Variants in ADAM2 observed in about 807,000 individuals in gnomAD.
The protein encoded by ADAM2 is disintegrin and metalloproteinase domain-containing protein 2.
A neutral mutation model predicts 99.3 loss-of-function variants in ADAM2; 101 were observed. The ratio of observed to expected loss-of-function variants is 1.02; its 90% CI spans 0.87 to 1.20. The LOEUF (loss-of-function observed/expected upper bound fraction) is 1.20. ADAM2 is among the 50% of genes most tolerant of loss of function. The pLI is 0.00. For missense variants in ADAM2, 948 were observed against 878.7 expected (o/e 1.08, Z -1.00); for synonymous variants, 323 against 287.6 (o/e 1.12, Z -1.25).
chr8:39,814,871 G>T (rs941930434), intron 6 of ADAM2, among the ~76,000 whole-genome samples: 13 of 150,668 alleles, frequency 8.6e-5, no homozygotes, highest in Non-Finnish European at 7.4e-5. Flanking sequence ...TATATGTGAT[G>T]ATAACAAGCT....
rs1443893540 is a variant in ADAM2 at position 39,749,365 on chromosome 8, C to G, written c.1961G>C (p.Gly654Ala). 1.9e-6 allele frequency: 3 copies of G among 1,613,104 alleles called. No homozygotes were observed. In the South Asian group the frequency reaches 3.3e-5, roughly 18 times the overall value. The change falls in exon 18 of 21, where the codon GGG becomes GCG. Residue 654 changes from glycine to alanine, a missense_variant. Gly to Ala is a moderately conservative substitution (Grantham distance 60, BLOSUM62 0). Transcript: ENST00000265708. ...CSVQSDLWPG[G>A]SIDSGNFPPV... ...TGGAAAATTGCCACTGTCAATACTC[C>G]CACCAGGCCATAGATCTGATTGAAC...
intron 16 of ADAM2, among the ~76,000 whole-genome samples, chr8:39,752,815 C>T (rs1280661457): frequency 6.6e-6 from 1 of 152,184 alleles, no homozygotes; most frequent in Non-Finnish European, 1.5e-5. Context: ...TGCACACACT[C>T]TCTTGCCTGC....
At chr8:39,810,174 A>T (rs904195755) in intron 6 of ADAM2, among the ~76,000 whole-genome samples, 3 of 152,232 alleles carry the variant, frequency 2.0e-5, no homozygotes, top group African/African-American at 7.2e-5. Context: ...AACAAAGATC[A>T]AAAGAGACAA....
At chr8:39,812,117 A>T (rs1394807211) in intron 6 of ADAM2, among the ~76,000 whole-genome samples, 1 of 152,192 alleles carries the variant, frequency 6.6e-6, no homozygotes, top group Non-Finnish European at 1.5e-5. Context: ...AATCACAAGC[A>T]TTCCTATACA....
chr8:39,782,461 T>A (rs1803271061), intron 10 of ADAM2, among the ~76,000 whole-genome samples: 1 of 152,170 alleles, frequency 6.6e-6, no homozygotes. Flanking sequence ...TAAAGTAACT[T>A]ATTACAAGCA....
At chr8:39,836,525 T>C (rs1190167620) in intron 2 of ADAM2, among the ~76,000 whole-genome samples, 1 of 150,642 alleles carries the variant, frequency 6.6e-6, no homozygotes, top group African/African-American at 2.4e-5. Context: ...TACCAGAACA[T>C]CTGCTACCAA....
At chr8:39,837,319 C>T (rs1805871139) in intron 1 of ADAM2, 107 bp from the exon 2 acceptor site, 1 of 613,476 alleles carries the variant, frequency 1.6e-6, no homozygotes, top group South Asian at 2.8e-5. Context: ...CGCTGCTTCT[C>T]ATTTTTATTA....
intron 7 of ADAM2, among the ~76,000 whole-genome samples, chr8:39,809,146 C>T (rs1204536579): frequency 6.6e-6 from 1 of 152,032 alleles, no homozygotes; most frequent in Non-Finnish European, 1.5e-5. Context: ...TTCTAGAATA[C>T]ATACAAGTTT....
rs1233741516 is a variant in ADAM2, at chr8:39,837,361, G to GT, written c.56-150dup. The GT allele has an allele frequency of 2.8e-3, 1,446 of 508,028 alleles. 1 individual carries two copies. Among genetic ancestry groups the GT allele is most frequent in the Middle Eastern group, 4.5e-3 (9 of 2,002 alleles). The allele number at this position is 508,028 out of a possible 1,614,324, so 31.5% of individuals were successfully genotyped here. A position where few individuals can be genotyped will look rare whatever the true frequency, so the allele number is the denominator to read the frequency against. On this transcript the variant is annotated intron_variant, in intron 1 of 20. Coordinates refer to ENST00000265708, the MANE Select transcript of ADAM2 (RefSeq NM_001464.5). ...CATTTCTTTCTAAAAATACAAGGAG[G>GT]TTTTTTTTTCTGTTTTTCTGTTTTT...
At chr8:39,816,739 A>T (rs577313973) in intron 6 of ADAM2, among the ~76,000 whole-genome samples, 1 of 152,346 alleles carries the variant, frequency 6.6e-6, no homozygotes, top group South Asian at 2.1e-4. Flanking sequence ...TATATCTATG[A>T]CAATAGATTT....
intron 6 of ADAM2, among the ~76,000 whole-genome samples, chr8:39,813,011 A>T (rs1325645592): frequency 6.6e-6 from 1 of 152,248 alleles, no homozygotes; most frequent in Non-Finnish European, 1.5e-5. Flanking sequence ...AAGTTTTACA[A>T]TCTAACCATC....
intron 6 of ADAM2, among the ~76,000 whole-genome samples, chr8:39,812,002 A>G (rs1256928676): frequency 6.6e-6 from 1 of 152,218 alleles, no homozygotes; most frequent in East Asian, 1.9e-4. Flanking sequence ...CTGTTTGCAG[A>G]TGACATGATT....
chr8:39,809,381 G>C (rs778412930), intron 7 of ADAM2, 29 bp downstream of exon 7: 2 of 842,922 alleles, frequency 2.4e-6, no homozygotes, highest in African/African-American at 1.7e-5. Flanking sequence ...CAAATATTAA[G>C]GGACATAAAT....
chr8:39,761,143 T>C lies in ADAM2; in HGVS notation c.1613+33A>G, dbSNP rs768992269. On this transcript the variant is annotated intron_variant, in intron 15 of 20. Coordinates refer to ENST00000265708, the MANE Select transcript of ADAM2 (RefSeq NM_001464.5). ...GTATTTTCAAATATAAGGTGATAAA[T>C]AGAAGTTCTAAGACAGATTTCTGAA... is the stretch of plus-strand genomic sequence containing the variant. 5.2e-6 allele frequency: 7 copies of C among 1,334,186 alleles called. No homozygotes were observed. In the African/African-American group the frequency reaches 1.0e-4, roughly 20 times the overall value. 82.6% of individuals were successfully genotyped at this position (1,334,186 alleles called of 1,614,324 possible).
chr8:39,767,607 A>G (rs1416472539), intron 12 of ADAM2, among the ~76,000 whole-genome samples: 7 of 152,206 alleles, frequency 4.6e-5, no homozygotes, highest in African/African-American at 1.7e-4. Flanking sequence ...TTTAAAAATT[A>G]TATTGCAGTG....
intron 2 of ADAM2, among the ~76,000 whole-genome samples, chr8:39,834,818 A>G (rs1257001765): frequency 6.6e-6 from 1 of 150,924 alleles, no homozygotes; most frequent in Non-Finnish European, 1.5e-5. Flanking sequence ...ACTGGCCTTA[A>G]TTATATTCAG....
intron 10 of ADAM2, among the ~76,000 whole-genome samples, chr8:39,780,566 T>A (rs897173860): frequency 1.1e-4 from 16 of 152,232 alleles, no homozygotes; most frequent in Admixed American, 6.5e-4. Context: ...CAATAGAAAG[T>A]CAAGTCCAGA....
chr8:39,770,311 G>T (rs1802731235), intron 11 of ADAM2, among the ~76,000 whole-genome samples: 2 of 152,060 alleles, frequency 1.3e-5, no homozygotes, highest in African/African-American at 2.4e-5. Context: ...GTCTATAGTT[G>T]CAAATAGCGT....
chr8:39,786,842 C>T (rs1803484587), intron 10 of ADAM2, 132 bp downstream of exon 10: 2 of 645,532 alleles, frequency 3.1e-6, no homozygotes, highest in Non-Finnish European at 5.0e-6. Flanking sequence ...ATAGTTTAAA[C>T]ATTTCTGTCA....
Sources: allele counts gnomAD v4.1 joint callset (sites outside exome capture counted in the v4.1 genomes callset), GRCh38; gene constraint gnomAD v4.1.1; transcripts MANE v1.5; gene names NCBI Gene and HGNC (gene_info 2026-07-23, HGNC 2026-07-21).